The following TBX4 variants were observed in gnomAD, a reference collection of about 807,000 sequenced individuals.
TBX4 encodes the protein T-box transcription factor TBX4.
In TBX4, 13 loss-of-function variants were observed where a neutral mutation model predicts 54.6. That is an observed-to-expected ratio of 0.24 (90% CI 0.15 to 0.38). The LOEUF is 0.38. Among genes scored for constraint, TBX4 ranks in the 10% least tolerant of loss-of-function variants. TBX4 has a pLI of 1.00. For synonymous variants in TBX4, 314 were observed against 306.7 expected (o/e 1.02, Z -0.25); for missense variants, 631 against 728.5 (o/e 0.87, Z 1.54).
rs1013086331 is a variant in TBX4, at chr17:61,472,265, T to C, written c.549+4608T>C. ...ACCAAATTCCCCTCCATGGGAGCTG[T>C]ACTGATGTATATATTTCCACCACTG... On this transcript the variant is annotated intron_variant, in intron 5 of 8. Coordinates refer to ENST00000644296, the MANE Select transcript of TBX4 (RefSeq NM_001321120.2). The surrounding 1 kb of genome is among the most constrained non-coding windows in gnomAD (Gnocchi z 4.5). Among the ~76,000 whole-genome samples the C allele has an allele frequency of 5.9e-5, 9 of 152,240 alleles. No homozygotes were observed. Among genetic ancestry groups the C allele is most frequent in the African/African-American group, 2.2e-4 (9 of 41,462 alleles).
In TBX4 at chr17:61,476,422, C is replaced by G. The variant is rs545139207; in HGVS notation, c.550-2205C>G. Among the ~76,000 whole-genome samples, 1 of 152,328 alleles carries G rather than the reference C, an allele frequency of 6.6e-6. No individual in the cohort carries two copies. The highest frequency in any genetic ancestry group is 1.5e-5 in the Non-Finnish European group (1 of 68,026). On this transcript the variant is annotated intron_variant, in intron 5 of 8. Transcript: ENST00000644296. The surrounding 1 kb of genome is among the most constrained non-coding windows in gnomAD (Gnocchi z 6.5). ...ATTCCTGGAGCTATCGGGCCACCTC[C>G]CAGGTATTCCATTGCTGGATCTTCC...
In TBX4 at chr17:61,477,848, C is replaced by T. The variant is rs568753691; in HGVS notation, c.550-779C>T. Among the ~76,000 whole-genome samples the T allele has an allele frequency of 2.0e-4, 29 of 147,406 alleles. 1 individual carries two copies. The highest frequency in any genetic ancestry group is 7.0e-4 in the African/African-American group (28 of 39,802). On this transcript the variant is annotated intron_variant, in intron 5 of 8. Transcript: ENST00000644296. ...TTCAGCTACTTGGGAGGCTGAGGTACGAGAATCGCTTGAACCCAGGAAGTA... is the reference window on the plus strand; with the variant it reads ...TTCAGCTACTTGGGAGGCTGAGGTATGAGAATCGCTTGAACCCAGGAAGTA...
Position 61,483,663 on chromosome 17 carries a change from C to CATGT in TBX4, c.*154_*157dup, listed in dbSNP as rs1491521227. 8.2e-6 allele frequency: 6 copies of CATGT among 731,284 alleles called. No individual in the cohort carries two copies. The East Asian group carries it at 1.4e-4, about 18-fold the overall frequency. The allele number at this position is 731,284 out of a possible 1,614,324, so 45.3% of individuals were successfully genotyped here. Reference sequence around the variant, plus strand: ...GTGTGTGTGTGTGTGTATACACGAGCATGTATGTATTTGGAGAGCATCCAT... The same window carrying CATGT: ...GTGTGTGTGTGTGTGTATACACGAGCATGTATGTATGTATTTGGAGAGCATCCAT... On this transcript the variant is annotated 3_prime_UTR_variant, in exon 9 of 9. Coordinates refer to ENST00000644296, the MANE Select transcript of TBX4 (RefSeq NM_001321120.2). The surrounding 1 kb of genome is among the most constrained non-coding windows in gnomAD (Gnocchi z 6.6).
At position 61,461,893 on chromosome 17, in the gene TBX4, G is replaced by A. The variant is rs995218155; in HGVS notation, c.282-3926G>A. On this transcript the variant is annotated intron_variant, in intron 3 of 8. Coordinates refer to ENST00000644296, the MANE Select transcript of TBX4 (RefSeq NM_001321120.2). The surrounding 1 kb of genome is among the most constrained non-coding windows in gnomAD (Gnocchi z 5.1). ...TCCGAGAAAGTCGGGGCTGCAGCGGGGTTGGGGCTTGGGGGACCCTCCAGG... is the reference window on the plus strand; with the variant it reads ...TCCGAGAAAGTCGGGGCTGCAGCGGAGTTGGGGCTTGGGGGACCCTCCAGG... Among the ~76,000 whole-genome samples, 4 of 152,014 alleles carry A rather than the reference G, an allele frequency of 2.6e-5. No individual in the cohort carries two copies. The highest frequency in any genetic ancestry group is 9.7e-5 in the African/African-American group (4 of 41,380).
intron 1 of TBX4, among the ~76,000 whole-genome samples, chr17:61,455,829 T>A (rs1208285050): frequency 6.6e-6 from 1 of 151,914 alleles, no homozygotes; most frequent in Non-Finnish European, 1.5e-5. Context: ...AGGGGCTGTG[T>A]TTGGGTGTGA....
In TBX4 at chr17:61,480,240, G is replaced by A. The variant is rs201565504; in HGVS notation, c.942G>A (p.Ala314=). The change falls in exon 8 of 9, where the codon GCG becomes GCA. Residue 314 remains alanine, a synonymous_variant. Transcript: ENST00000644296. The surrounding 1 kb of genome is among the most constrained non-coding windows in gnomAD (Gnocchi z 6.2). The part of the protein sequence containing the change: ...QHENGAHSQL[A]EPQDLPLSTF... ...AGAACGGGGCACACTCACAGCTCGC[G>A]GAGCCGCAGGACCTGCCCCTCAGCA... 4.0e-5 allele frequency: 64 copies of A among 1,614,040 alleles called. No individual in the cohort carries two copies. The highest frequency in any genetic ancestry group is 4.2e-5 in the Non-Finnish European group (49 of 1,180,004).
Position 61,456,696 on chromosome 17 carries a change from CG to C in TBX4, c.186+23del. ...GAGCAGGTAGGGCTGCGCCAGCCGT[CG>C]GGTAGAAGTCGGGCGTCGGTCTGTC... On this transcript the variant is annotated intron_variant, in intron 2 of 8. Transcript: ENST00000644296. 7.3e-7 allele frequency: 1 copy of C among 1,373,834 alleles called. No homozygotes were observed. The highest frequency in any genetic ancestry group is 1.7e-5 in the South Asian group (1 of 59,924). 85.1% of individuals were successfully genotyped at this position (1,373,834 alleles called of 1,614,324 possible).
rs2143855976 is a variant in TBX4, at chr17:61,478,341, G to T, written c.550-286G>T. On this transcript the variant is annotated intron_variant, in intron 5 of 8. Coordinates refer to ENST00000644296, the MANE Select transcript of TBX4 (RefSeq NM_001321120.2). This position sits in a 1 kb window ranked among gnomAD's most constrained non-coding sequence, Gnocchi z 7.4. ...GTGGGCTTTGACAGTGTTAAGGGCT[G>T]ACTCAAGTTCTCCATTACCACAGTG... The T allele has an allele frequency of 2.0e-6, 1 of 489,966 alleles. No individual in the cohort carries two copies. Among genetic ancestry groups the T allele is most frequent in the Non-Finnish European group, 3.7e-6 (1 of 268,786 alleles). The allele number at this position is 489,966 out of a possible 1,614,324, so 30.4% of individuals were successfully genotyped here. A position where few individuals can be genotyped will look rare whatever the true frequency, so the allele number is the denominator to read the frequency against.
chr17:61,467,963 T>C (rs2060548124), intron 5 of TBX4, among the ~76,000 whole-genome samples: 1 of 152,104 alleles, frequency 6.6e-6, no homozygotes, highest in African/African-American at 2.4e-5. Flanking sequence ...AATGAGAGGG[T>C]TTACCGGAAG....
rs929442502 is a variant in TBX4 at position 61,484,862 on chromosome 17, G to A, written c.*1346G>A. 1 of 147,422 alleles carries A rather than the reference G, an allele frequency of 6.8e-6. No homozygotes were observed. The highest frequency in any genetic ancestry group is 2.5e-5 in the African/African-American group (1 of 40,524). The allele number at this position is 147,422 out of a possible 1,614,324, so 9.1% of individuals were successfully genotyped here. A position where few individuals can be genotyped will look rare whatever the true frequency, so the allele number is the denominator to read the frequency against. ...TTAATAAAAATAAACGTTGGAGGGG[G>A]TATTTGGAAAGACATCTATTTAAAT... On this transcript the variant is annotated 3_prime_UTR_variant, in exon 9 of 9. Coordinates refer to ENST00000644296, the MANE Select transcript of TBX4 (RefSeq NM_001321120.2). The surrounding 1 kb of genome is among the most constrained non-coding windows in gnomAD (Gnocchi z 4.1).
rs2060694862 is a variant in TBX4, at chr17:61,485,095, AT to A, written c.*1583del. The A allele has an allele frequency of 6.6e-6, 1 of 152,112 alleles. No homozygotes were observed. The highest frequency in any genetic ancestry group is 2.1e-4 in the South Asian group (1 of 4,834). The allele number at this position is 152,112 out of a possible 1,614,324, so 9.4% of individuals were successfully genotyped here. The stretch of plus-strand genomic sequence containing the variant: ...ATTTTGCATATCGGAACATAAAGCC[AT>A]TTTACAACTGTGAAGTGTGTGGATG... On this transcript the variant is annotated 3_prime_UTR_variant, in exon 9 of 9. Coordinates refer to ENST00000644296, the MANE Select transcript of TBX4 (RefSeq NM_001321120.2). This position sits in a 1 kb window ranked among gnomAD's most constrained non-coding sequence, Gnocchi z 4.6.
At chr17:61,467,785 G>C in intron 5 of TBX4, 128 bp downstream of exon 5, 1 of 1,202,262 alleles carries the variant, frequency 8.3e-7, no homozygotes, top group Non-Finnish European at 1.2e-6. Flanking sequence ...TCACTGACCA[G>C]TTTAGGGAAG....
chr17:61,456,537 C>A lies in TBX4; in HGVS notation c.47C>A (p.Ala16Asp), dbSNP rs1470554283. 26 of 1,559,432 alleles carry A rather than the reference C, an allele frequency of 1.7e-5. No homozygotes were observed. The highest frequency in any genetic ancestry group is 2.1e-5 in the Non-Finnish European group (24 of 1,152,392). The change falls in exon 2 of 9, where the codon GCC becomes GAC. Residue 16 changes from alanine to aspartate, a missense_variant. Physicochemically the swap from Ala to Asp is moderately radical, Grantham distance 126. Transcript: ENST00000644296. ...TCCGAGAGCGAGGAGGCCTTCCGGG[C>A]CCCGGGCCCAGCGCTCGGAGAGGCC... is the stretch of plus-strand genomic sequence containing the variant. ...GLSESEEAFR[A>D]PGPALGEASA...
rs1181516008 is a variant in TBX4 at position 61,478,013 on chromosome 17, G to C, written c.550-614G>C. 6.6e-6 allele frequency among the ~76,000 whole-genome samples: 1 copy of C among 151,608 alleles called. No individual in the cohort carries two copies. The highest frequency in any genetic ancestry group is 1.5e-5 in the Non-Finnish European group (1 of 67,866). Reference sequence around the variant, plus strand: ...AGAAAAGAAATGCATGAACAAATGAGCAATGTGACAAAAAAAGTTACAGTG... The same window carrying C: ...AGAAAAGAAATGCATGAACAAATGACCAATGTGACAAAAAAAGTTACAGTG... On this transcript the variant is annotated intron_variant, in intron 5 of 8. Transcript: ENST00000644296. This position sits in a 1 kb window ranked among gnomAD's most constrained non-coding sequence, Gnocchi z 7.4.
In TBX4 at chr17:61,476,203, C is replaced by T. The variant is rs1481076509; in HGVS notation, c.550-2424C>T. Among the ~76,000 whole-genome samples the T allele has an allele frequency of 1.3e-5, 2 of 152,182 alleles. No individual in the cohort carries two copies. Among genetic ancestry groups the T allele is most frequent in the Non-Finnish European group, 2.9e-5 (2 of 68,040 alleles). ...AAGCCACTAGGATGCAGAATGACAA[C>T]CAGGTAGATAACACATGAGAAGTAA... On this transcript the variant is annotated intron_variant, in intron 5 of 8. Coordinates refer to ENST00000644296, the MANE Select transcript of TBX4 (RefSeq NM_001321120.2). This position sits in a 1 kb window ranked among gnomAD's most constrained non-coding sequence, Gnocchi z 6.5.
In TBX4 at chr17:61,483,931, TC is replaced by T. The variant is rs1305561591; in HGVS notation, c.*416del. The T allele has an allele frequency of 3.9e-6, 1 of 257,358 alleles. No individual in the cohort carries two copies. The highest frequency in any genetic ancestry group is 2.2e-5 in the African/African-American group (1 of 44,838). The allele number at this position is 257,358 out of a possible 1,614,324, so 15.9% of individuals were successfully genotyped here. A position where few individuals can be genotyped will look rare whatever the true frequency, so the allele number is the denominator to read the frequency against. On this transcript the variant is annotated 3_prime_UTR_variant, in exon 9 of 9. Coordinates refer to ENST00000644296, the MANE Select transcript of TBX4 (RefSeq NM_001321120.2). This position sits in a 1 kb window ranked among gnomAD's most constrained non-coding sequence, Gnocchi z 6.6. Reference sequence around the variant, plus strand: ...ATTCTCACTGCTGGGGTGGGAAGATTCTCGCTGCTGGGGTGTGAGGACTCTG... The same window carrying T: ...ATTCTCACTGCTGGGGTGGGAAGATTTCGCTGCTGGGGTGTGAGGACTCTG...
rs1172252174 is a variant in TBX4 at position 61,464,706 on chromosome 17, C to A, written c.282-1113C>A. On this transcript the variant is annotated intron_variant, in intron 3 of 8. Coordinates refer to ENST00000644296, the MANE Select transcript of TBX4 (RefSeq NM_001321120.2). This position sits in a 1 kb window ranked among gnomAD's most constrained non-coding sequence, Gnocchi z 5.8. ...ATCGTGGGAAGTTCCGTTCTTCCCT[C>A]TGGTGAAGTCAGGGACCTAGTGACT... is the stretch of plus-strand genomic sequence containing the variant. Among the ~76,000 whole-genome samples, 1 of 152,176 alleles carries A rather than the reference C, an allele frequency of 6.6e-6. No individual in the cohort carries two copies. The highest frequency in any genetic ancestry group is 1.5e-5 in the Non-Finnish European group (1 of 68,046).
At chr17:61,453,297 A>T (rs1221684301) in intron 1 of TBX4, among the ~76,000 whole-genome samples, 11 of 152,330 alleles carry the variant, frequency 7.2e-5, no homozygotes, top group African/African-American at 2.6e-4. Flanking sequence ...TATAACATAT[A>T]GTAATAGTGT....
In TBX4 at chr17:61,454,265, T is replaced by A. The variant is rs539741360; in HGVS notation, c.-4+1688T>A. On this transcript the variant is annotated intron_variant, in intron 1 of 8. Coordinates refer to ENST00000644296, the MANE Select transcript of TBX4 (RefSeq NM_001321120.2). ...TTAAAAAGCACGAAATAGTAACAGT[T>A]CCCCTAGTGCAAGAAACATATCCCC... 4.6e-5 allele frequency among the ~76,000 whole-genome samples: 7 copies of A among 152,332 alleles called. No individual in the cohort carries two copies. In the East Asian group the frequency reaches 1.2e-3, roughly 25 times the overall value.
Sources: gnomAD v4.1 joint callset for allele counts (sites outside exome capture counted in the v4.1 genomes callset) on GRCh38, gnomAD v4.1.1 for gene constraint, Gnocchi (gnomAD v3.1) non-coding constraint, MANE v1.5 for transcripts, NCBI Gene and HGNC (gene_info 2026-07-23, HGNC 2026-07-21) for gene names.